The following MYO16 variants were observed in gnomAD, a reference collection of about 807,000 sequenced individuals.
MYO16 encodes the protein myosin XVI, also known as unconventional myosin-XVI.
A neutral mutation model predicts 205.3 loss-of-function variants in MYO16; 94 were observed. That is an observed-to-expected ratio of 0.46 (90% CI 0.39 to 0.54). MYO16 has a LOEUF of 0.54. Among genes scored for constraint, MYO16 ranks in the 20% least tolerant of loss-of-function variants. MYO16 has a pLI of 0.00. For missense variants in MYO16, 2,315 were observed against 2,387.5 expected (o/e 0.97, Z 0.63); for synonymous variants, 988 against 954.0 (o/e 1.04, Z -0.66).
At chr13:108,599,300 A>G (rs1056351171) in intron 1 of MYO16, among the ~76,000 whole-genome samples, 5 of 147,888 alleles carry the variant, frequency 3.4e-5, no homozygotes, top group African/African-American at 1.3e-4. Context: ...CGCAATAAAC[A>G]TACATGTGCA....
intron 4 of MYO16, among the ~76,000 whole-genome samples, chr13:108,753,383 A>AAAAAAAAAAC (rs1566587640): frequency 4.5e-4 from 66 of 147,808 alleles, no homozygotes; most frequent in African/African-American, 1.5e-3. Context: ...AAAAAAAAAA[A>AAAAAAAAAAC]AAAAAAAAAA....
the MYO16 span, among the ~76,000 whole-genome samples, chr13:108,571,170 C>G: frequency 6.6e-6 from 1 of 151,632 alleles, no homozygotes; most frequent in Non-Finnish European, 1.5e-5. Context: ...AAGAAAATAC[C>G]TTTTTGATGA....
the MYO16 span, among the ~76,000 whole-genome samples, chr13:108,560,346 G>A: frequency 6.6e-6 from 1 of 152,214 alleles, no homozygotes; most frequent in Non-Finnish European, 1.5e-5. Flanking sequence ...AGACAGGGTG[G>A]TGAGCAAGTG....
At chr13:108,738,456 T>A (rs889112684) in intron 4 of MYO16, among the ~76,000 whole-genome samples, 3 of 152,186 alleles carry the variant, frequency 2.0e-5, no homozygotes, top group African/African-American at 7.2e-5. Context: ...TTTGAGTGAG[T>A]TTCTCAATCC....
intron 28 of MYO16, among the ~76,000 whole-genome samples, chr13:109,102,074 C>G (rs911124399): frequency 1.3e-5 from 2 of 152,020 alleles, no homozygotes; most frequent in African/African-American, 4.8e-5. Context: ...CAATCTTTTT[C>G]TTTGTTATCT....
rs571513300 is a variant in MYO16 at position 109,152,341 on chromosome 13, T to C, written c.5164+10965T>C. On this transcript the variant is annotated intron_variant, in intron 32 of 34. Transcript: ENST00000457511. Reference sequence around the variant, plus strand: ...TCTAGTTCCTTCTAATCACACCCTATTTGCACCACATAAACATTAGCACAA... The same window carrying C: ...TCTAGTTCCTTCTAATCACACCCTACTTGCACCACATAAACATTAGCACAA... Among the ~76,000 whole-genome samples the C allele has an allele frequency of 2.0e-5, 3 of 152,320 alleles. No homozygotes were observed. In the South Asian group the frequency reaches 6.2e-4, roughly 32 times the overall value.
At chr13:108,536,604 A>G in the MYO16 span, among the ~76,000 whole-genome samples, 1 of 152,090 alleles carries the variant, frequency 6.6e-6, no homozygotes, top group African/African-American at 2.4e-5. Flanking sequence ...TTCACTCATC[A>G]CTTAATAATG....
intron 14 of MYO16, among the ~76,000 whole-genome samples, chr13:108,896,564 AT>A (rs1880421772): frequency 6.6e-6 from 1 of 152,308 alleles, no homozygotes; most frequent in African/African-American, 2.4e-5. Context: ...AACTTGTAGC[AT>A]TTTTTAATTT....
At position 109,055,083 on chromosome 13, in the gene MYO16, G is replaced by T. The variant is rs1312531228; in HGVS notation, c.3086G>T (p.Arg1029Ile). ...KKKGTSTFLQ[R>I]LERGDPVTIA... ...AAAGGAACTTCTACATTTCTTCAAA[G>T]ATTGGAACGAGGAGATCCAGTCACC... Residue 1029 changes from arginine (R) to isoleucine (I), a missense_variant, in exon 26 of 35, where the codon AGA (arginine) becomes ATA (isoleucine). By Grantham distance (97) the Arg-to-Ile change is moderately conservative. Coordinates refer to ENST00000457511, the MANE Select transcript of MYO16 (RefSeq NM_001198950.3). This position sits in a 1 kb window ranked among gnomAD's most constrained non-coding sequence, Gnocchi z 5.0. 1 of 1,585,646 alleles carries T rather than the reference G, an allele frequency of 6.3e-7. No homozygotes were observed. Among genetic ancestry groups the T allele is most frequent in the East Asian group, 2.3e-5 (1 of 43,990 alleles).
At chr13:108,842,562 C>T (rs530666710) in intron 9 of MYO16, among the ~76,000 whole-genome samples, 3 of 152,280 alleles carry the variant, frequency 2.0e-5, no homozygotes, top group African/African-American at 7.2e-5. Flanking sequence ...AATACCACCT[C>T]ACACCTGTAA....
At chr13:109,103,677 A>G (rs568966895) in intron 28 of MYO16, among the ~76,000 whole-genome samples, 35 of 152,326 alleles carry the variant, frequency 2.3e-4, no homozygotes, top group South Asian at 2.1e-3. Flanking sequence ...AATCATCAAT[A>G]TGAGATGGTA....
At position 108,767,768 on chromosome 13, in the gene MYO16, A is replaced by C. The variant is rs187337853; in HGVS notation, c.508-17867A>C. The stretch of plus-strand genomic sequence containing the variant: ...CTCCCTTCCTATTTTATTCCAATAC[A>C]TGTTTTTCAGAATATGAATTTTTAC... On this transcript the variant is annotated intron_variant, in intron 4 of 34. Coordinates refer to ENST00000457511, the MANE Select transcript of MYO16 (RefSeq NM_001198950.3). 5.3e-5 allele frequency among the ~76,000 whole-genome samples: 8 copies of C among 152,238 alleles called. No individual in the cohort carries two copies. In the South Asian group the frequency reaches 1.7e-3, roughly 32 times the overall value.
intron 20 of MYO16, among the ~76,000 whole-genome samples, chr13:108,977,570 G>A (rs563606180): frequency 2.0e-5 from 3 of 151,924 alleles, no homozygotes; most frequent in South Asian, 4.2e-4. Flanking sequence ...TGTTCCTACC[G>A]CAAGGTCATC....
chr13:109,018,260 C>T (rs1365365848), intron 22 of MYO16, among the ~76,000 whole-genome samples: 1 of 152,182 alleles, frequency 6.6e-6, no homozygotes, highest in African/African-American at 2.4e-5. Flanking sequence ...GTTGGAGGTC[C>T]ACTCCAGACC....
At chr13:108,529,878 C>T in the MYO16 span, among the ~76,000 whole-genome samples, 3 of 152,232 alleles carry the variant, frequency 2.0e-5, no homozygotes, top group Non-Finnish European at 2.9e-5. Context: ...GGTGCCACTG[C>T]GATTGCCTTT....
chr13:109,191,988 T>G (rs1029473201), intron 34 of MYO16, among the ~76,000 whole-genome samples: 3 of 152,196 alleles, frequency 2.0e-5, no homozygotes, highest in Non-Finnish European at 4.4e-5. Flanking sequence ...GGACCCCATA[T>G]TTCTGATAAT....
intron 2 of MYO16, among the ~76,000 whole-genome samples, chr13:108,670,993 T>G (rs1343114209): frequency 6.6e-6 from 1 of 152,238 alleles, no homozygotes; most frequent in Non-Finnish European, 1.5e-5. Context: ...GTTTATATTA[T>G]GAATATTGGT....
intron 27 of MYO16, among the ~76,000 whole-genome samples, chr13:109,069,908 GT>G (rs1887873781): frequency 6.6e-6 from 1 of 152,062 alleles, no homozygotes; most frequent in African/African-American, 2.4e-5. Context: ...TCTTAATTCA[GT>G]GCCAAGTCTC....
chr13:108,939,427 G>A (rs1460679674), intron 16 of MYO16, among the ~76,000 whole-genome samples: 1 of 152,182 alleles, frequency 6.6e-6, no homozygotes, highest in Non-Finnish European at 1.5e-5. Context: ...TGCCATCATT[G>A]AGGCTGTTTG....
Sources: allele counts gnomAD v4.1 joint callset (sites outside exome capture counted in the v4.1 genomes callset), GRCh38; gene constraint gnomAD v4.1.1; non-coding constraint Gnocchi (gnomAD v3.1); transcripts MANE v1.5; gene names NCBI Gene and HGNC (gene_info 2026-07-23, HGNC 2026-07-21).